Variants in SLC24A2 observed in about 807,000 individuals in gnomAD.
SLC24A2 encodes the protein sodium/potassium/calcium exchanger 2.
In SLC24A2, 36 loss-of-function variants were observed where a neutral mutation model predicts 62.0. The ratio of observed to expected loss-of-function variants is 0.58; its 90% confidence interval spans 0.44 to 0.77. The LOEUF (loss-of-function observed/expected upper bound fraction) is 0.77. Ranked by LOEUF, SLC24A2 falls within the 30% of genes least tolerant of loss-of-function variation. SLC24A2 has a pLI of 0.00. For missense variants in SLC24A2, 846 were observed against 817.9 expected (o/e 1.03, Z -0.42); for synonymous variants, 358 against 294.0 (o/e 1.22, Z -2.23).
At chr9:20,223,437 C>A in the SLC24A2 span, among the ~76,000 whole-genome samples, 1 of 152,074 alleles carries the variant, frequency 6.6e-6, no homozygotes, top group Non-Finnish European at 1.5e-5. Flanking sequence ...CCATCCTGGT[C>A]AACACAGCAA....
intron 6 of SLC24A2, among the ~76,000 whole-genome samples, chr9:19,575,828 G>C (rs1182982147): frequency 6.6e-6 from 1 of 152,216 alleles, no homozygotes; most frequent in Non-Finnish European, 1.5e-5. Context: ...AGAAAAAATA[G>C]CTTGTGTAGT....
intron 2 of SLC24A2, among the ~76,000 whole-genome samples, chr9:19,702,019 A>C (rs530409538): frequency 6.6e-6 from 1 of 152,194 alleles, no homozygotes; most frequent in Non-Finnish European, 1.5e-5. Context: ...TCTGGCTATA[A>C]AAAAACCACA....
At chr9:20,061,528 C>T in the SLC24A2 span, among the ~76,000 whole-genome samples, 1 of 152,072 alleles carries the variant, frequency 6.6e-6, no homozygotes, top group African/African-American at 2.4e-5. Flanking sequence ...CTCAAATGAT[C>T]CACCTGCCTC....
the SLC24A2 span, among the ~76,000 whole-genome samples, chr9:19,845,710 T>C: frequency 6.6e-6 from 1 of 152,174 alleles, no homozygotes; most frequent in East Asian, 1.9e-4. Flanking sequence ...ATTTAACTTT[T>C]TGAAGTAGAT....
chr9:19,972,818 G>A, the SLC24A2 span, among the ~76,000 whole-genome samples: 6 of 151,868 alleles, frequency 4.0e-5, no homozygotes, highest in East Asian at 9.7e-4. Flanking sequence ...CTCAGAGAAA[G>A]TGAGCAACCT....
intron 5 of SLC24A2, among the ~76,000 whole-genome samples, chr9:19,594,144 C>T (rs1171371590): frequency 6.6e-6 from 1 of 152,052 alleles, no homozygotes; most frequent in Non-Finnish European, 1.5e-5. Context: ...GCCCAACTTC[C>T]ATGGAAAGCA....
chr9:20,138,786 C>T, the SLC24A2 span, among the ~76,000 whole-genome samples: 1 of 152,176 alleles, frequency 6.6e-6, no homozygotes, highest in Non-Finnish European at 1.5e-5. Flanking sequence ...CTCATGCAGA[C>T]AGGAGGTGAC....
At chr9:19,540,410 A>G (rs1247819817) in intron 8 of SLC24A2, among the ~76,000 whole-genome samples, 1 of 147,704 alleles carries the variant, frequency 6.8e-6, no homozygotes, top group East Asian at 2.0e-4. Flanking sequence ...GGTGGTGACA[A>G]AATCTCTCAG....
chr9:20,232,900 T>C, the SLC24A2 span, among the ~76,000 whole-genome samples: 3 of 152,208 alleles, frequency 2.0e-5, no homozygotes, highest in African/African-American at 7.2e-5. Context: ...GCTTTGAATG[T>C]GTCCCAGAGA....
chr9:19,978,593 T>G, the SLC24A2 span, among the ~76,000 whole-genome samples: 1 of 151,412 alleles, frequency 6.6e-6, no homozygotes, highest in East Asian at 1.9e-4. Flanking sequence ...AAAAGGGTAT[T>G]TTTTTTTTCT....
At chr9:19,701,418 G>A (rs1037531612) in intron 2 of SLC24A2, among the ~76,000 whole-genome samples, 4 of 152,202 alleles carry the variant, frequency 2.6e-5, no homozygotes, top group Admixed American at 6.5e-5. Flanking sequence ...TCCACAACCG[G>A]TAGGAGTTGA....
At chr9:19,552,708 T>G (rs1055669060) in intron 7 of SLC24A2, among the ~76,000 whole-genome samples, 3 of 152,198 alleles carry the variant, frequency 2.0e-5, no homozygotes, top group African/African-American at 7.2e-5. Flanking sequence ...AAGCAACTCT[T>G]TATGACTCAT....
At chr9:19,969,850 C>T in the SLC24A2 span, among the ~76,000 whole-genome samples, 3 of 152,078 alleles carry the variant, frequency 2.0e-5, no homozygotes, top group Non-Finnish European at 4.4e-5. Flanking sequence ...AATATCATAA[C>T]AAAAGGGATG....
chr9:19,946,287 G>C, the SLC24A2 span, among the ~76,000 whole-genome samples: 1 of 152,198 alleles, frequency 6.6e-6, no homozygotes, highest in East Asian at 1.9e-4. Flanking sequence ...TTTTAACCTG[G>C]TAAACTCATT....
At position 19,788,877 on chromosome 9, in the gene SLC24A2, G is replaced by T; in HGVS notation, c.-154+8C>A. 3 of 985,406 alleles carry T rather than the reference G, an allele frequency of 3.0e-6. No individual in the cohort carries two copies. The highest frequency in any genetic ancestry group is 3.6e-6 in the Non-Finnish European group (3 of 829,906). The allele number at this position is 985,406 out of a possible 1,614,324, so 61.0% of individuals were successfully genotyped here. ...AGCGGCAGGCGGGGCGCAGCCGCCC[G>T]CACTTACCAGGATAAGATGGGAGGA... On this transcript the variant is annotated splice_region_variant and intron_variant, in intron 1 of 10. Transcript: ENST00000341998.
chr9:20,041,772 A>G, the SLC24A2 span, among the ~76,000 whole-genome samples: 1 of 152,280 alleles, frequency 6.6e-6, no homozygotes, highest in African/African-American at 2.4e-5. Flanking sequence ...ATGGCTAAGT[A>G]GCCAGTCGGG....
At chr9:20,205,563 T>C in the SLC24A2 span, among the ~76,000 whole-genome samples, 248 of 147,934 alleles carry the variant, frequency 1.7e-3, 1 homozygote, top group Admixed American at 4.4e-3. Flanking sequence ...AGGCAGGAGA[T>C]TGGTGTGAAC....
Position 19,516,317 on chromosome 9 carries a change from C to T in SLC24A2, c.1822G>A (p.Val608Ile), listed in dbSNP as rs374018366. The change falls in exon 11 of 11, where the codon GTC becomes ATC. Residue 608 changes from valine (V) to isoleucine (I), a missense_variant. By Grantham distance (29) the Val-to-Ile change is conservative. Transcript: ENST00000341998. ...VSSNGLFCAI[V>I]LLFIMLLFVI... is the part of the protein sequence containing the mutation. Reference sequence around the variant, plus strand: ...AAGAGCAGCATGATGAAGAGAAGGACGATGGCACAGAAAAGGCCATTGCTG... The same window carrying T: ...AAGAGCAGCATGATGAAGAGAAGGATGATGGCACAGAAAAGGCCATTGCTG... 32 of 1,614,110 alleles carry T rather than the reference C, an allele frequency of 2.0e-5. No individual in the cohort carries two copies. The highest frequency in any genetic ancestry group is 2.5e-5 in the Non-Finnish European group (29 of 1,180,026).
the SLC24A2 span, among the ~76,000 whole-genome samples, chr9:19,960,077 CT>C: frequency 6.6e-6 from 1 of 152,176 alleles, no homozygotes; most frequent in Admixed American, 6.5e-5. Context: ...TGAGGATAAG[CT>C]ATTGGCAGTG....
Sources: gnomAD v4.1 joint callset for allele counts (sites outside exome capture counted in the v4.1 genomes callset) on GRCh38, gnomAD v4.1.1 for gene constraint, MANE v1.5 for transcripts, NCBI Gene and HGNC (gene_info 2026-07-23, HGNC 2026-07-21) for gene names.